Variants in GPHN observed in about 807,000 individuals in gnomAD.
GPHN encodes gephyrin.
In GPHN, 17 loss-of-function variants were observed where a neutral mutation model predicts 95.5. The observed-to-expected ratio is 0.18, with a 90% CI of 0.12 to 0.27. The LOEUF (loss-of-function observed/expected upper bound fraction) is 0.27. Ranked by LOEUF, GPHN falls within the 10% of genes least tolerant of loss-of-function variation. The pLI is 1.00. For missense variants in GPHN, 660 were observed against 978.1 expected, an observed-to-expected ratio of 0.67 and a Z score of 4.34; for synonymous variants, 320 against 322.5, an observed-to-expected ratio of 0.99 and a Z score of 0.08.
chr14:66,721,446 A>G (rs1030311702), intron 2 of GPHN, among the ~76,000 whole-genome samples: 11 of 152,288 alleles, frequency 7.2e-5, no homozygotes, highest in African/African-American at 2.6e-4. Flanking sequence ...CTCCTGAAAC[A>G]CTTATATTAA....
At chr14:66,942,057 G>C (rs2067459382) in intron 8 of GPHN, among the ~76,000 whole-genome samples, 1 of 152,154 alleles carries the variant, frequency 6.6e-6, no homozygotes, top group Non-Finnish European at 1.5e-5. Flanking sequence ...TCTCACCCAA[G>C]CTGGAGTGCA....
chr14:67,486,486 G>A, the GPHN span, among the ~76,000 whole-genome samples: 6 of 152,184 alleles, frequency 3.9e-5, no homozygotes, highest in Non-Finnish European at 8.8e-5. Flanking sequence ...TGTTGGCCAG[G>A]ATGGTCTCAA....
At position 66,745,863 on chromosome 14, in the gene GPHN, A is replaced by C. The variant is rs2058128529; in HGVS notation, c.144-30601A>C. 2.0e-5 allele frequency among the ~76,000 whole-genome samples: 3 copies of C among 152,024 alleles called. No homozygotes were observed. The South Asian group carries it at 6.2e-4, about 31-fold the overall frequency. On this transcript the variant is annotated intron_variant, in intron 2 of 22. Coordinates refer to ENST00000478722, the MANE Select transcript of GPHN (RefSeq NM_020806.5). ...CTTTGTGATCTTTCTTAATAGTCAC[A>C]TCATCACTCTACCCTGCCTATCACA...
intron 16 of GPHN, among the ~76,000 whole-genome samples, chr14:67,117,504 C>G (rs1483041452): frequency 6.6e-6 from 1 of 152,084 alleles, no homozygotes; most frequent in African/African-American, 2.4e-5. Context: ...AAAAATAGCA[C>G]TTAAATATTG....
chr14:66,959,129 A>G (rs933811191), intron 8 of GPHN, among the ~76,000 whole-genome samples: 2 of 152,130 alleles, frequency 1.3e-5, no homozygotes, highest in African/African-American at 2.4e-5. Flanking sequence ...TATTATTTTC[A>G]TAAATTACCT....
chr14:67,517,436 G>T, the GPHN span, among the ~76,000 whole-genome samples: 2 of 152,300 alleles, frequency 1.3e-5, no homozygotes, highest in African/African-American at 4.8e-5. Flanking sequence ...AAAAATGTAT[G>T]AATTTCTTTT....
chr14:67,662,646 C>A, the GPHN span: 1 of 991,700 alleles, frequency 1.0e-6, no homozygotes, highest in Non-Finnish European at 1.5e-6. Context: ...TGGCTCATGC[C>A]TGTAATCCCA....
At chr14:67,130,612 T>G (rs2079640881) in intron 17 of GPHN, among the ~76,000 whole-genome samples, 1 of 152,200 alleles carries the variant, frequency 6.6e-6, no homozygotes, top group South Asian at 2.1e-4. Flanking sequence ...TGTTTTCTTC[T>G]GGATATATAC....
At chr14:66,829,899 T>A (rs1463117498) in intron 4 of GPHN, among the ~76,000 whole-genome samples, 2 of 152,146 alleles carry the variant, frequency 1.3e-5, no homozygotes, top group Non-Finnish European at 2.9e-5. Context: ...TTTTTTTGCA[T>A]GTCCAGGGAG....
chr14:67,456,602 C>CAA, the GPHN span, among the ~76,000 whole-genome samples: 82 of 84,000 alleles, frequency 9.8e-4, no homozygotes, highest in African/African-American at 2.7e-3. Context: ...AACTCCATCT[C>CAA]AAAAAAAAAA....
intron 4 of GPHN, among the ~76,000 whole-genome samples, chr14:66,837,654 T>A (rs914342286): frequency 3.2e-4 from 45 of 139,002 alleles, no homozygotes; most frequent in East Asian, 1.7e-3. Flanking sequence ...AATAAATAAA[T>A]AAAAAGACTG....
chr14:67,663,182 T>C, the GPHN span: 1 of 1,529,646 alleles, frequency 6.5e-7, no homozygotes, highest in Non-Finnish European at 8.8e-7. Context: ...TAAAAATTAC[T>C]AATCTCCCCT....
the GPHN span, among the ~76,000 whole-genome samples, chr14:67,424,069 T>G: frequency 6.7e-6 from 1 of 149,784 alleles, no homozygotes; most frequent in Non-Finnish European, 1.5e-5. Flanking sequence ...GAAACCCCAT[T>G]TCTACTAAAA....
the GPHN span, among the ~76,000 whole-genome samples, chr14:67,341,693 GCTCA>G: frequency 6.6e-6 from 1 of 152,258 alleles, no homozygotes; most frequent in African/African-American, 2.4e-5. Flanking sequence ...GTACCCAACA[GCTCA>G]CTGAGAACAG....
At chr14:66,810,453 CA>C (rs2153482119) in intron 3 of GPHN, among the ~76,000 whole-genome samples, 1 of 151,640 alleles carries the variant, frequency 6.6e-6, no homozygotes, top group African/African-American at 2.4e-5. Flanking sequence ...TAGCTATATT[CA>C]TCATGGAAAA....
intron 1 of GPHN, among the ~76,000 whole-genome samples, chr14:66,639,752 A>G (rs1416141157): frequency 2.6e-5 from 4 of 152,082 alleles, no homozygotes; most frequent in Non-Finnish European, 5.9e-5. Flanking sequence ...ATGTGTATAT[A>G]TGTAACATAT....
At chr14:67,002,611 A>G (rs1257432274) in intron 9 of GPHN, among the ~76,000 whole-genome samples, 1 of 151,308 alleles carries the variant, frequency 6.6e-6, no homozygotes, top group Non-Finnish European at 1.5e-5. Context: ...TTTGAAACCC[A>G]ACCCTGTGCC....
the GPHN span, among the ~76,000 whole-genome samples, chr14:67,529,477 T>C: frequency 6.6e-6 from 1 of 152,210 alleles, no homozygotes; most frequent in African/African-American, 2.4e-5. Flanking sequence ...AGTAACTGAA[T>C]GAATAAATGA....
chr14:67,520,418 T>A, the GPHN span, among the ~76,000 whole-genome samples: 2 of 152,244 alleles, frequency 1.3e-5, no homozygotes, highest in Non-Finnish European at 2.9e-5. Context: ...GAATGTCATA[T>A]AGGTGAAATC....
Sources: allele counts gnomAD v4.1 joint callset (sites outside exome capture counted in the v4.1 genomes callset), GRCh38; gene constraint gnomAD v4.1.1; transcripts MANE v1.5; gene names NCBI Gene and HGNC (gene_info 2026-07-23, HGNC 2026-07-21).